The following PDE7B variants were observed in gnomAD, a reference collection of about 807,000 sequenced individuals.
PDE7B encodes the protein phosphodiesterase 7B.
Under a neutral mutation model 56.2 loss-of-function variants are expected in PDE7B, and 29 were observed. The observed-to-expected ratio is 0.52, with a 90% CI of 0.38 to 0.70. PDE7B has a LOEUF of 0.70. Among genes scored for constraint, PDE7B ranks in the 30% least tolerant of loss-of-function variants. The pLI, the probability that PDE7B is intolerant of heterozygous loss-of-function variation, is 0.00. For synonymous variants in PDE7B, 197 were observed against 196.9 expected (o/e 1.00, Z 0.00); for missense variants, 490 against 565.0 (o/e 0.87, Z 1.35).
At chr6:136,024,568 T>C (rs577140874) in intron 2 of PDE7B, among the ~76,000 whole-genome samples, 23 of 152,286 alleles carry the variant, frequency 1.5e-4, no homozygotes, top group African/African-American at 5.5e-4. Context: ...GGGTTACCAA[T>C]GCCAGCTCCA....
At chr6:136,001,418 T>C (rs1160199690) in intron 2 of PDE7B, among the ~76,000 whole-genome samples, 2 of 152,102 alleles carry the variant, frequency 1.3e-5, no homozygotes, top group Non-Finnish European at 2.9e-5. Flanking sequence ...CAGGATGAAA[T>C]TCAAACCAAA....
At chr6:136,146,746 C>A (rs1222651530) in intron 3 of PDE7B, among the ~76,000 whole-genome samples, 1 of 152,128 alleles carries the variant, frequency 6.6e-6, no homozygotes, top group Non-Finnish European at 1.5e-5. Flanking sequence ...CAAATGCAGG[C>A]AGAAGTGTGT....
intron 2 of PDE7B, among the ~76,000 whole-genome samples, chr6:135,971,417 G>A (rs767055875): frequency 1.4e-4 from 21 of 152,204 alleles, no homozygotes; most frequent in Non-Finnish European, 1.3e-4. Context: ...CAGCCCTAGC[G>A]TCCTAATATA....
intron 1 of PDE7B, among the ~76,000 whole-genome samples, chr6:135,897,766 A>ACC (rs1281440259): frequency 6.6e-6 from 1 of 152,200 alleles, no homozygotes; most frequent in Admixed American, 6.6e-5. Flanking sequence ...GCCATTCAGT[A>ACC]CCATGACTTA....
intron 2 of PDE7B, among the ~76,000 whole-genome samples, chr6:135,991,162 G>A (rs965684054): frequency 3.3e-5 from 5 of 152,078 alleles, no homozygotes; most frequent in African/African-American, 1.2e-4. Flanking sequence ...CTTCTTTACT[G>A]CACCCTGTTT....
intron 2 of PDE7B, among the ~76,000 whole-genome samples, chr6:136,011,746 A>AGAGC: frequency 6.6e-6 from 1 of 152,208 alleles, no homozygotes; most frequent in Non-Finnish European, 1.5e-5. Context: ...AGCTTCAATT[A>AGAGC]GAGCCTCATC....
chr6:135,857,911 A>C (rs1410433825), intron 1 of PDE7B, among the ~76,000 whole-genome samples: 1 of 152,164 alleles, frequency 6.6e-6, no homozygotes, highest in Non-Finnish European at 1.5e-5. Flanking sequence ...TTGAATTAAA[A>C]ACTTAACAAA....
At chr6:135,885,025 C>A (rs1440333695) in intron 1 of PDE7B, among the ~76,000 whole-genome samples, 2 of 152,106 alleles carry the variant, frequency 1.3e-5, no homozygotes, top group African/African-American at 4.8e-5. Flanking sequence ...GATTTCCATG[C>A]CGTCACTTAA....
chr6:135,906,357 A>G (rs1287185568), intron 1 of PDE7B, among the ~76,000 whole-genome samples: 1 of 152,228 alleles, frequency 6.6e-6, no homozygotes, highest in Non-Finnish European at 1.5e-5. Flanking sequence ...TTATAGATCT[A>G]CTGGCTATGA....
chr6:135,920,662 A>G (rs1774058160), intron 1 of PDE7B, among the ~76,000 whole-genome samples: 1 of 152,224 alleles, frequency 6.6e-6, no homozygotes, highest in Non-Finnish European at 1.5e-5. Flanking sequence ...ACCCACAGAA[A>G]AATAACCACA....
At chr6:136,015,377 C>T (rs946126534) in intron 2 of PDE7B, among the ~76,000 whole-genome samples, 1 of 152,118 alleles carries the variant, frequency 6.6e-6, no homozygotes, top group African/African-American at 2.4e-5. Context: ...CCAGATGGAG[C>T]CATTTTCTGA....
At chr6:136,062,798 A>G (rs887835106) in intron 2 of PDE7B, among the ~76,000 whole-genome samples, 3 of 152,206 alleles carry the variant, frequency 2.0e-5, no homozygotes, top group African/African-American at 7.2e-5. Flanking sequence ...AATCTGGAGT[A>G]GTTTCCAAGG....
intron 1 of PDE7B, 73 bp from the exon 2 acceptor site, chr6:135,947,391 G>A: frequency 8.8e-7 from 1 of 1,135,454 alleles, no homozygotes; most frequent in Non-Finnish European, 1.3e-6. Context: ...GTAATGTCAG[G>A]TCACATGGAT....
intron 8 of PDE7B, among the ~76,000 whole-genome samples, chr6:136,162,917 C>T (rs1461260987): frequency 6.6e-6 from 1 of 152,234 alleles, no homozygotes; most frequent in African/African-American, 2.4e-5. Context: ...ATGCTGGGCT[C>T]CCATGCCTTG....
intron 2 of PDE7B, among the ~76,000 whole-genome samples, chr6:135,983,869 A>G (rs1449892566): frequency 1.3e-5 from 2 of 152,244 alleles, no homozygotes; most frequent in African/African-American, 4.8e-5. Flanking sequence ...AGCTGCTTCC[A>G]GCAAGGCCCT....
intron 3 of PDE7B, among the ~76,000 whole-genome samples, chr6:136,119,249 AAAG>A (rs1777888837): frequency 6.6e-6 from 1 of 152,334 alleles, no homozygotes; most frequent in African/African-American, 2.4e-5. Context: ...CTATATCCAA[AAAG>A]AAGATCTCAG....
chr6:135,882,142 G>A (rs1369168978), intron 1 of PDE7B, among the ~76,000 whole-genome samples: 1 of 152,124 alleles, frequency 6.6e-6, no homozygotes, highest in Non-Finnish European at 1.5e-5. Flanking sequence ...TTTATCTAAG[G>A]GAATTACTCA....
At chr6:135,972,351 C>T (rs920376775) in intron 2 of PDE7B, among the ~76,000 whole-genome samples, 2 of 149,960 alleles carry the variant, frequency 1.3e-5, no homozygotes, top group Non-Finnish European at 2.9e-5. Context: ...TCTGTTTTGG[C>T]TACTGTCAAG....
intron 6 of PDE7B, among the ~76,000 whole-genome samples, chr6:136,153,411 C>T (rs556399811): frequency 2.6e-5 from 4 of 152,228 alleles, no homozygotes; most frequent in African/African-American, 9.6e-5. Flanking sequence ...TTAGCGTCTT[C>T]CATAAAAAGC....
Sources: allele counts gnomAD v4.1 joint callset (sites outside exome capture counted in the v4.1 genomes callset), GRCh38; gene constraint gnomAD v4.1.1; transcripts MANE v1.5; gene names NCBI Gene and HGNC (gene_info 2026-07-23, HGNC 2026-07-21).